The following KCNMA1 variants were observed in gnomAD, a reference collection of about 807,000 sequenced individuals.
KCNMA1 encodes potassium calcium-activated channel subfamily M alpha 1, also known as Calcium-activated potassium channel subunit alpha-1.
Under a neutral mutation model 140.0 loss-of-function variants are expected in KCNMA1, and 29 were observed. The observed-to-expected ratio is 0.21, with a 90% CI of 0.15 to 0.28. The LOEUF (loss-of-function observed/expected upper bound fraction) is 0.28. KCNMA1 is among the 10% of genes least tolerant of loss of function. The probability of loss-of-function intolerance (pLI) is 1.00; values close to 1 mark genes in which losing one functional copy is unlikely to be tolerated. For missense variants in KCNMA1, 880 were observed against 1,602.2 expected, an observed-to-expected ratio of 0.55 and a Z score of 7.70; for synonymous variants, 612 against 611.9, an observed-to-expected ratio of 1.00 and a Z score of 0.00.
rs1213049302 is a variant in KCNMA1 at position 76,885,348 on chromosome 10, C to T, written c.*1918G>A. The T allele has an allele frequency of 1.0e-6, 1 of 982,842 alleles. No homozygotes were observed. The highest frequency in any genetic ancestry group is 1.2e-6 in the Non-Finnish European group (1 of 828,250). The allele number at this position is 982,842 out of a possible 1,614,324, so 60.9% of individuals were successfully genotyped here. A position where few individuals can be genotyped will look rare whatever the true frequency, so the allele number is the denominator to read the frequency against. On this transcript the variant is annotated 3_prime_UTR_variant, in exon 28 of 28. Transcript: ENST00000286628. ...TGAAAAAATTCTTCCACTCATAGGG[C>T]TTGATAATTTACATGTATACAATTA...
intron 21 of KCNMA1, chr10:76,952,144 G>T: frequency 1.3e-6 from 2 of 1,551,502 alleles, no homozygotes; most frequent in South Asian, 2.4e-5. Context: ...CCCAGATACG[G>T]CATCCAGCCT....
Position 77,274,858 on chromosome 10 carries a change from C to T in KCNMA1, c.541-23602G>A, listed in dbSNP as rs148489046. The stretch of plus-strand genomic sequence containing the variant: ...TCTATTGGATGGTAAACCTCACTGC[C>T]GCAGAAGCCATCTCATGGTGAGTTT... On this transcript the variant is annotated intron_variant, in intron 2 of 27. Transcript: ENST00000286628. Among the ~76,000 whole-genome samples, 219 of 152,234 alleles carry T rather than the reference C, an allele frequency of 1.4e-3. 1 individual carries two copies. The highest frequency in any genetic ancestry group is 5.0e-3 in the African/African-American group (209 of 41,530).
chr10:77,439,966 C>G (rs1440926877), intron 1 of KCNMA1, among the ~76,000 whole-genome samples: 1 of 152,198 alleles, frequency 6.6e-6, no homozygotes, highest in African/African-American at 2.4e-5. Flanking sequence ...CAGTGTCCCA[C>G]GCACAGTAAA....
intron 1 of KCNMA1, among the ~76,000 whole-genome samples, chr10:77,411,137 G>A (rs1367111934): frequency 6.6e-6 from 1 of 152,180 alleles, no homozygotes; most frequent in Non-Finnish European, 1.5e-5. Context: ...TGAGTGCTAG[G>A]AGTATAGGCA....
At chr10:77,602,669 T>A (rs1030957990) in intron 1 of KCNMA1, among the ~76,000 whole-genome samples, 1 of 152,140 alleles carries the variant, frequency 6.6e-6, no homozygotes, top group South Asian at 2.1e-4. Context: ...ACCTGGGCAC[T>A]GGGCACATAT....
At chr10:77,023,527 C>T (rs1347551661) in intron 16 of KCNMA1, among the ~76,000 whole-genome samples, 1 of 152,142 alleles carries the variant, frequency 6.6e-6, no homozygotes, top group Non-Finnish European at 1.5e-5. Flanking sequence ...CAAATAAGAA[C>T]CATTTAGGGT....
intron 19 of KCNMA1, among the ~76,000 whole-genome samples, chr10:76,988,097 C>G (rs1277834662): frequency 6.6e-6 from 1 of 152,090 alleles, no homozygotes; most frequent in Admixed American, 6.6e-5. Flanking sequence ...ACTTGGCCAT[C>G]GGTAGGAGGA....
At chr10:77,107,141 A>G (rs1283544475) in intron 9 of KCNMA1, among the ~76,000 whole-genome samples, 1 of 152,258 alleles carries the variant, frequency 6.6e-6, no homozygotes, top group Non-Finnish European at 1.5e-5. Flanking sequence ...ACTGTCAAAA[A>G]GAGAAGGCAG....
intron 19 of KCNMA1, chr10:76,980,318 C>T (rs2079054983): frequency 1.3e-5 from 2 of 152,302 alleles, no homozygotes; most frequent in Admixed American, 1.3e-4. Flanking sequence ...GTCAGTCCAC[C>T]TGCCCAAGTC....
At chr10:77,631,395 C>T (rs1024662049) in intron 1 of KCNMA1, among the ~76,000 whole-genome samples, 1 of 152,168 alleles carries the variant, frequency 6.6e-6, no homozygotes, top group Non-Finnish European at 1.5e-5. Flanking sequence ...TCCAAGGGAC[C>T]CAGTGTTCCC....
intron 1 of KCNMA1, among the ~76,000 whole-genome samples, chr10:77,408,435 TGA>T (rs774022347): frequency 7.8e-4 from 119 of 151,662 alleles, no homozygotes; most frequent in Non-Finnish European, 1.1e-3. Context: ...TGTGCACGTG[TGA>T]GAGTGTGTGC....
chr10:77,394,465 C>G (rs1376754824), intron 2 of KCNMA1, among the ~76,000 whole-genome samples: 1 of 152,210 alleles, frequency 6.6e-6, no homozygotes, highest in Non-Finnish European at 1.5e-5. Flanking sequence ...GGCTTAGACT[C>G]TGAGCTGCCA....
rs1282682998 is a variant in KCNMA1 at position 76,912,495 on chromosome 10, A to G, written c.3017-2399T>C. 2.0e-5 allele frequency: 3 copies of G among 152,220 alleles called. No individual in the cohort carries two copies. The East Asian group carries it at 5.8e-4, about 29-fold the overall frequency. 9.4% of individuals were successfully genotyped at this position (152,220 alleles called of 1,614,324 possible). On this transcript the variant is annotated intron_variant, in intron 24 of 27. Transcript: ENST00000286628. ...ATGTGGGAGGTGAAATGGTCTGAGG[A>G]GGGTGGTATAGTGGCTAGAGAAATA...
chr10:77,538,974 G>A (rs1205030738), intron 1 of KCNMA1, among the ~76,000 whole-genome samples: 2 of 152,186 alleles, frequency 1.3e-5, no homozygotes, highest in Admixed American at 1.3e-4. Context: ...CTCCTGCTGA[G>A]CAGTAACCTG....
At chr10:77,143,339 T>C (rs1036136724) in intron 5 of KCNMA1, among the ~76,000 whole-genome samples, 2 of 152,140 alleles carry the variant, frequency 1.3e-5, no homozygotes, top group African/African-American at 4.8e-5. Context: ...ATCATTTTAA[T>C]AGGCATCAAA....
At chr10:77,276,807 A>G (rs1259376977) in intron 2 of KCNMA1, among the ~76,000 whole-genome samples, 2 of 152,152 alleles carry the variant, frequency 1.3e-5, no homozygotes, top group Non-Finnish European at 2.9e-5. Context: ...ACTATAAAAT[A>G]TTAATAGCAA....
intron 5 of KCNMA1, among the ~76,000 whole-genome samples, chr10:77,172,709 A>C (rs989281318): frequency 3.3e-5 from 5 of 152,072 alleles, no homozygotes; most frequent in Admixed American, 3.3e-4. Flanking sequence ...AAACAAAAAA[A>C]AAAAAGCTCA....
chr10:77,344,829 G>A (rs893012553), intron 2 of KCNMA1, among the ~76,000 whole-genome samples: 2 of 151,854 alleles, frequency 1.3e-5, no homozygotes, highest in Admixed American at 1.3e-4. Context: ...ATATAAGGTG[G>A]GTAAAGACGG....
intron 3 of KCNMA1, among the ~76,000 whole-genome samples, chr10:77,228,626 A>G (rs563994): frequency 0.67 from 101,195 of 152,114 alleles, 34,322 homozygotes; most frequent in Admixed American, 0.76. Flanking sequence ...GAATACTTAC[A>G]TAACAAATAT....
Sources: allele counts gnomAD v4.1 joint callset (sites outside exome capture counted in the v4.1 genomes callset), GRCh38; gene constraint gnomAD v4.1.1; transcripts MANE v1.5; gene names NCBI Gene and HGNC (gene_info 2026-07-23, HGNC 2026-07-21).